The following SUSD6 variants were observed in gnomAD, a reference collection of about 807,000 sequenced individuals.
The protein encoded by SUSD6 is sushi domain-containing protein 6.
A neutral mutation model predicts 28.4 loss-of-function variants in SUSD6; 16 were observed. The ratio of observed to expected loss-of-function variants is 0.56; its 90% CI spans 0.38 to 0.86. The LOEUF is 0.86. Ranked by LOEUF, SUSD6 falls within the 40% of genes least tolerant of loss-of-function variation. The probability of loss-of-function intolerance (pLI) is 0.00; values close to 1 mark genes in which losing one functional copy is unlikely to be tolerated. For synonymous variants in SUSD6, 147 were observed against 159.6 expected (o/e 0.92, Z 0.59); for missense variants, 341 against 384.2 (o/e 0.89, Z 0.94).
intron 2 of SUSD6, among the ~76,000 whole-genome samples, chr14:69,702,171 C>T (rs1244435925): frequency 6.6e-6 from 1 of 152,166 alleles, no homozygotes; most frequent in Non-Finnish European, 1.5e-5. Context: ...ATACAGATGT[C>T]CTTGTGATAT....
intron 3 of SUSD6, 122 bp downstream of exon 3, chr14:69,703,714 C>G (rs979303860): frequency 1.2e-6 from 1 of 824,294 alleles, no homozygotes; most frequent in Middle Eastern, 3.0e-4. Flanking sequence ...CCAGTTGATG[C>G]TCTGCAGCCT....
chr14:69,650,235 G>A (rs1885483789), intron 1 of SUSD6, among the ~76,000 whole-genome samples: 2 of 152,072 alleles, frequency 1.3e-5, no homozygotes, highest in Non-Finnish European at 2.9e-5. Context: ...GGTCAGTCAC[G>A]GCCTGTTAGA....
chr14:69,635,595 CCACA>C (rs3048696), intron 1 of SUSD6, among the ~76,000 whole-genome samples: 11,521 of 143,464 alleles, frequency 0.08, 760 homozygotes, highest in African/African-American at 0.18. Context: ...CCAAGGCACA[CCACA>C]CACACACACA....
chr14:69,648,086 A>G (rs1457412049), intron 1 of SUSD6, among the ~76,000 whole-genome samples: 3 of 152,198 alleles, frequency 2.0e-5, no homozygotes, highest in Admixed American at 2.0e-4. Context: ...TGACAATAAT[A>G]ATGATAGATG....
intron 1 of SUSD6, among the ~76,000 whole-genome samples, chr14:69,624,321 C>T (rs1412505138): frequency 1.3e-5 from 2 of 152,200 alleles, no homozygotes; most frequent in African/African-American, 4.8e-5. Flanking sequence ...GTGATGTCCA[C>T]ACAACAACAT....
At chr14:69,655,144 G>GGT (rs374901088) in intron 1 of SUSD6, among the ~76,000 whole-genome samples, 28 of 146,804 alleles carry the variant, frequency 1.9e-4, no homozygotes, top group African/African-American at 4.6e-4. Flanking sequence ...TGCTTATAGG[G>GGT]GTGTGTGTGT....
intron 2 of SUSD6, among the ~76,000 whole-genome samples, chr14:69,696,726 C>CTG (rs1886229844): frequency 6.6e-6 from 1 of 152,194 alleles, no homozygotes; most frequent in East Asian, 1.9e-4. Context: ...ACTACAATAG[C>CTG]CACTACTAGG....
intron 1 of SUSD6, among the ~76,000 whole-genome samples, chr14:69,633,294 G>T (rs1291949584): frequency 3.9e-5 from 6 of 152,238 alleles, no homozygotes; most frequent in Non-Finnish European, 7.3e-5. Flanking sequence ...GGAATAGCCA[G>T]AGTCTGCTAT....
chr14:69,662,720 C>G (rs940070947), intron 2 of SUSD6, among the ~76,000 whole-genome samples: 2 of 152,222 alleles, frequency 1.3e-5, no homozygotes, highest in Non-Finnish European at 2.9e-5. Flanking sequence ...CTGTAGCAGC[C>G]TTTCTCAGGT....
chr14:69,675,727 G>A (rs1885898618), intron 2 of SUSD6, among the ~76,000 whole-genome samples: 1 of 152,152 alleles, frequency 6.6e-6, no homozygotes, highest in Non-Finnish European at 1.5e-5. Flanking sequence ...GCCAGTAAAG[G>A]ACAAAGCCAG....
chr14:69,656,334 C>T (rs1000223973), intron 1 of SUSD6, among the ~76,000 whole-genome samples: 12 of 152,204 alleles, frequency 7.9e-5, no homozygotes, highest in Admixed American at 7.2e-4. Flanking sequence ...TTTTTATACA[C>T]GTGCTGTGAT....
At chr14:69,701,523 GGAAAGT>G (rs1407367595) in intron 2 of SUSD6, among the ~76,000 whole-genome samples, 1 of 152,186 alleles carries the variant, frequency 6.6e-6, no homozygotes, top group Non-Finnish European at 1.5e-5. Context: ...AACAAAAGAG[GGAAAGT>G]GTAAAGGCTA....
intron 2 of SUSD6, among the ~76,000 whole-genome samples, chr14:69,679,481 G>A (rs4902745): frequency 0.91 from 139,068 of 152,212 alleles, 63,732 homozygotes; most frequent in African/African-American, 0.98. Flanking sequence ...ATAATTTTTA[G>A]TAGTGTAAAG....
chr14:69,643,890 G>T (rs1178681743), intron 1 of SUSD6, among the ~76,000 whole-genome samples: 1 of 152,192 alleles, frequency 6.6e-6, no homozygotes, highest in East Asian at 1.9e-4. Context: ...GTAGAGTCAG[G>T]ATTTGAATTC....
chr14:69,665,950 G>A (rs1267519936), intron 2 of SUSD6, among the ~76,000 whole-genome samples: 1 of 152,164 alleles, frequency 6.6e-6, no homozygotes, highest in African/African-American at 2.4e-5. Context: ...TATATGTAAG[G>A]CATTTGGAAC....
chr14:69,701,687 G>T (rs1225948820), intron 2 of SUSD6, among the ~76,000 whole-genome samples: 2 of 152,132 alleles, frequency 1.3e-5, no homozygotes, highest in Non-Finnish European at 2.9e-5. Context: ...GACAAGTTGG[G>T]TCCTTAGAGG....
chr14:69,638,648 C>T (rs10148957), intron 1 of SUSD6, among the ~76,000 whole-genome samples: 5,216 of 152,230 alleles, frequency 0.034, 308 homozygotes, highest in African/African-American at 0.12. Context: ...TTCAGTAGAT[C>T]TGGGATGAAG....
At chr14:69,677,043 A>C (rs1358167973) in intron 2 of SUSD6, among the ~76,000 whole-genome samples, 1 of 152,196 alleles carries the variant, frequency 6.6e-6, no homozygotes, top group African/African-American at 2.4e-5. Context: ...GATATCATAG[A>C]GGTCTTACTT....
intron 2 of SUSD6, among the ~76,000 whole-genome samples, chr14:69,666,517 C>T (rs1885743736): frequency 6.6e-6 from 1 of 152,192 alleles, no homozygotes; most frequent in Non-Finnish European, 1.5e-5. Context: ...TTCCAAAACA[C>T]AACTGGGAGA....
Sources: gnomAD v4.1 joint callset for allele counts (sites outside exome capture counted in the v4.1 genomes callset) on GRCh38, gnomAD v4.1.1 for gene constraint, MANE v1.5 for transcripts, NCBI Gene and HGNC (gene_info 2026-07-23, HGNC 2026-07-21) for gene names.